The following RBFOX1 variants were observed in gnomAD, a reference collection of about 807,000 sequenced individuals.
RBFOX1 encodes RNA binding fox-1 homolog 1, also known as RNA binding protein fox-1 homolog 1.
RBFOX1 carries 8 observed loss-of-function variants against 57.7 expected under a neutral mutation model. The ratio of observed to expected loss-of-function variants is 0.14; its 90% confidence interval spans 0.08 to 0.25. The LOEUF is 0.25. RBFOX1 is among the 10% of genes least tolerant of loss of function. The pLI, the probability that RBFOX1 is intolerant of heterozygous loss-of-function variation, is 1.00. For synonymous variants in RBFOX1, 326 were observed against 222.4 expected (o/e 1.47, Z -4.15); for missense variants, 611 against 548.5 (o/e 1.11, Z -1.14).
At chr16:6,536,011 C>G (rs988976250) in intron 2 of RBFOX1, among the ~76,000 whole-genome samples, 3 of 152,142 alleles carry the variant, frequency 2.0e-5, no homozygotes, top group Non-Finnish European at 4.4e-5. Context: ...AGGCTATCCA[C>G]AAAATGGAGA....
intron 3 of RBFOX1, among the ~76,000 whole-genome samples, chr16:5,773,304 C>T (rs938757117): frequency 3.6e-4 from 55 of 152,310 alleles, no homozygotes; most frequent in East Asian, 1.9e-4. Context: ...GCTCCTTCCT[C>T]AGTGGTAAGT....
At chr16:6,626,896 A>G (rs1223679342) in intron 2 of RBFOX1, among the ~76,000 whole-genome samples, 1 of 152,214 alleles carries the variant, frequency 6.6e-6, no homozygotes, top group Non-Finnish European at 1.5e-5. Flanking sequence ...CCAGACACAA[A>G]TTGGAAGGAC....
At chr16:5,633,690 A>G (rs940543413) in intron 3 of RBFOX1, among the ~76,000 whole-genome samples, 1 of 152,028 alleles carries the variant, frequency 6.6e-6, no homozygotes, top group East Asian at 1.9e-4. Flanking sequence ...CCTGGCCAAC[A>G]TCGTGAAACT....
intron 1 of RBFOX1, among the ~76,000 whole-genome samples, chr16:6,209,357 A>G (rs1247165033): frequency 6.6e-6 from 1 of 151,896 alleles, no homozygotes; most frequent in African/African-American, 2.4e-5. Context: ...ATCAGGAGAG[A>G]TCCCTGCCCA....
At chr16:5,409,771 G>C (rs1013796922) in intron 1 of RBFOX1, among the ~76,000 whole-genome samples, 1 of 152,120 alleles carries the variant, frequency 6.6e-6, no homozygotes, top group African/African-American at 2.4e-5. Flanking sequence ...TGCAGGCTGG[G>C]CATGGTGGTG....
chr16:5,278,719 T>C (rs2063200475), intron 1 of RBFOX1, among the ~76,000 whole-genome samples: 2 of 152,244 alleles, frequency 1.3e-5, no homozygotes, highest in African/African-American at 4.8e-5. Context: ...TTTATAGTTG[T>C]GGCTGTTACG....
At chr16:6,962,041 G>C (rs147101019) in intron 3 of RBFOX1, among the ~76,000 whole-genome samples, 1 of 152,174 alleles carries the variant, frequency 6.6e-6, no homozygotes, top group Admixed American at 6.5e-5. Flanking sequence ...TCAAGATGGA[G>C]TTGCTGTGGT....
chr16:6,164,804 C>A (rs2096905008), intron 1 of RBFOX1, among the ~76,000 whole-genome samples: 1 of 152,218 alleles, frequency 6.6e-6, no homozygotes, highest in Admixed American at 6.5e-5. Context: ...TAAACACACT[C>A]AGTGGAGCTC....
chr16:6,263,240 C>T (rs1467010837), intron 1 of RBFOX1, among the ~76,000 whole-genome samples: 5 of 152,072 alleles, frequency 3.3e-5, no homozygotes, highest in Non-Finnish European at 7.4e-5. Flanking sequence ...GTTTGAAATC[C>T]ATTTGTGTAG....
intron 2 of RBFOX1, among the ~76,000 whole-genome samples, chr16:6,331,622 A>C (rs1251043392): frequency 2.0e-5 from 3 of 151,044 alleles, no homozygotes; most frequent in Non-Finnish European, 4.4e-5. Flanking sequence ...ATATATATAT[A>C]TAATCTATCT....
At chr16:6,625,796 A>T (rs2154051512) in intron 2 of RBFOX1, among the ~76,000 whole-genome samples, 1 of 152,350 alleles carries the variant, frequency 6.6e-6, no homozygotes, top group Middle Eastern at 3.4e-3. Context: ...CTATAGAAGG[A>T]GAATGATGAT....
At chr16:6,534,434 C>G (rs1247335102) in intron 2 of RBFOX1, among the ~76,000 whole-genome samples, 1 of 152,030 alleles carries the variant, frequency 6.6e-6, no homozygotes, top group Non-Finnish European at 1.5e-5. Flanking sequence ...GCTAAGATGC[C>G]TCTTCAGTTT....
intron 1 of RBFOX1, among the ~76,000 whole-genome samples, chr16:5,325,115 C>G (rs2030053584): frequency 6.6e-6 from 1 of 152,192 alleles, no homozygotes; most frequent in Non-Finnish European, 1.5e-5. Context: ...TTTACACACT[C>G]ACTGACGCTT....
chr16:7,476,908 T>G (rs1370718601), intron 4 of RBFOX1, among the ~76,000 whole-genome samples: 2 of 152,162 alleles, frequency 1.3e-5, no homozygotes, highest in South Asian at 2.1e-4. Flanking sequence ...CAATTCTGGC[T>G]TTTTCCCCCA....
intron 14 of RBFOX1, among the ~76,000 whole-genome samples, chr16:7,693,620 G>A (rs998314761): frequency 1.3e-5 from 2 of 152,092 alleles, no homozygotes; most frequent in Non-Finnish European, 2.9e-5. Context: ...GTAAGAGTAT[G>A]TTGAATGAAT....
In RBFOX1 at chr16:6,554,939, C is replaced by G. The variant is rs555197856; in HGVS notation, c.-63-99664C>G. Among the ~76,000 whole-genome samples, 12 of 152,286 alleles carry G rather than the reference C, an allele frequency of 7.9e-5. No homozygotes were observed. The South Asian group carries it at 2.5e-3, about 32-fold the overall frequency. On this transcript the variant is annotated intron_variant, in intron 2 of 15. Coordinates refer to ENST00000550418, the MANE Select transcript of RBFOX1 (RefSeq NM_018723.4). ...TTTTCTGCCAGCTGGAGAATTTGAC[C>G]TAGGGCTAAGTGACTAGCCTGAGTA...
intron 1 of RBFOX1, among the ~76,000 whole-genome samples, chr16:6,208,951 C>G (rs1450993844): frequency 6.6e-6 from 1 of 152,072 alleles, no homozygotes; most frequent in Non-Finnish European, 1.5e-5. Context: ...TTGCTCACTT[C>G]CCCCATTTTT....
chr16:6,833,442 C>G (rs553024931), intron 3 of RBFOX1, among the ~76,000 whole-genome samples: 62 of 152,276 alleles, frequency 4.1e-4, no homozygotes, highest in African/African-American at 1.3e-3. Context: ...GTTGGGGTTA[C>G]AGGTGTGAAC....
At chr16:7,304,018 C>G (rs1470529904) in intron 4 of RBFOX1, among the ~76,000 whole-genome samples, 1 of 151,850 alleles carries the variant, frequency 6.6e-6, no homozygotes, top group African/African-American at 2.4e-5. Flanking sequence ...AAAAGCAGGC[C>G]CAACAACCCA....
Sources: gnomAD v4.1 joint callset for allele counts (sites outside exome capture counted in the v4.1 genomes callset) on GRCh38, gnomAD v4.1.1 for gene constraint, MANE v1.5 for transcripts, NCBI Gene and HGNC (gene_info 2026-07-23, HGNC 2026-07-21) for gene names.